Variants in CCDC180 observed in about 807,000 individuals in gnomAD.
CCDC180 encodes the protein coiled-coil domain containing 180, also known as coiled-coil domain-containing protein 180.
Under a neutral mutation model 209.2 loss-of-function variants are expected in CCDC180, and 154 were observed. The observed-to-expected ratio is 0.74, with a 90% CI of 0.65 to 0.84. The LOEUF is 0.84. Among genes scored for constraint, CCDC180 ranks in the 40% least tolerant of loss-of-function variants. The pLI is 0.00. For synonymous variants in CCDC180, 778 were observed against 749.1 expected (o/e 1.04, Z -0.63); for missense variants, 1,874 against 1,997.3 (o/e 0.94, Z 1.18).
In CCDC180 at chr9:97,369,087, A is replaced by G. The variant is rs374666373; in HGVS notation, c.4190-835A>G. Among the ~76,000 whole-genome samples, 13 of 152,382 alleles carry G rather than the reference A, an allele frequency of 8.5e-5. No individual in the cohort carries two copies. In the East Asian group the frequency reaches 1.9e-3, roughly 23 times the overall value. ...GGAAAAATTAAGAGTTGAAATTTTA[A>G]AACTATGCATGACTTTACTACCAGG... On this transcript the variant is annotated intron_variant, in intron 31 of 36. Coordinates refer to ENST00000529487, the MANE Select transcript of CCDC180 (RefSeq NM_020893.6).
chr9:97,368,819 G>C (rs111360099), intron 31 of CCDC180, among the ~76,000 whole-genome samples: 4 of 152,212 alleles, frequency 2.6e-5, no homozygotes, highest in African/African-American at 9.6e-5. Flanking sequence ...CCCAGACTAA[G>C]AGCTCACAGT....
chr9:97,358,117 C>CTTT lies in CCDC180; in HGVS notation c.3363+412_3363+414dup, dbSNP rs71487322. On this transcript the variant is annotated intron_variant, in intron 25 of 36. Coordinates refer to ENST00000529487, the MANE Select transcript of CCDC180 (RefSeq NM_020893.6). ...CACTTTTTGTTTGACTTTCCACTTG[C>CTTT]TTTTTTTTTTTTTTTTTTTTTTGAG... The CTTT allele has an allele frequency of 3.7e-3, 417 of 112,206 alleles. 2 individuals carry two copies. Among genetic ancestry groups the CTTT allele is most frequent in the East Asian group, 7.8e-3 (26 of 3,342 alleles). 7.0% of individuals were successfully genotyped at this position (112,206 alleles called of 1,614,324 possible). A position where few individuals can be genotyped will look rare whatever the true frequency, so the allele number is the denominator to read the frequency against.
intron 24 of CCDC180, among the ~76,000 whole-genome samples, chr9:97,355,959 G>C (rs1474417906): frequency 1.3e-5 from 2 of 152,192 alleles, no homozygotes; most frequent in African/African-American, 2.4e-5. Flanking sequence ...CGGGCAGACA[G>C]TGGGGGCCTG....
chr9:97,370,983 G>A (rs1827079702), intron 33 of CCDC180: 1 of 308,176 alleles, frequency 3.2e-6, no homozygotes, highest in African/African-American at 2.8e-5. Context: ...TTGAGACGGA[G>A]TCTCGCTCTG....
chr9:97,357,745 T>C lies in CCDC180; in HGVS notation c.3363+20T>C. 1 of 1,500,066 alleles carries C rather than the reference T, an allele frequency of 6.7e-7. No individual in the cohort carries two copies. The highest frequency in any genetic ancestry group is 9.2e-7 in the Non-Finnish European group (1 of 1,085,446). The allele number at this position is 1,500,066 out of a possible 1,614,324, so 92.9% of individuals were successfully genotyped here. The stretch of plus-strand genomic sequence containing the variant: ...AAAACCGTAAGTGTTCAATAGATTC[T>C]GCATGTGAATAATAAAGATATATCA... On this transcript the variant is annotated intron_variant, in intron 25 of 36. Transcript: ENST00000529487.
chr9:97,324,200 C>T lies in CCDC180; in HGVS notation c.1371+297C>T, dbSNP rs538754857. 7.2e-5 allele frequency among the ~76,000 whole-genome samples: 11 copies of T among 152,250 alleles called. No individual in the cohort carries two copies. The South Asian group carries it at 2.3e-3, about 32-fold the overall frequency. ...TGTGGAGGCACAATAAGCCCCCAGC[C>T]CAAGACACGTGTTATCTTGAACCAG... On this transcript the variant is annotated intron_variant, in intron 13 of 36. Transcript: ENST00000529487.
intron 18 of CCDC180, among the ~76,000 whole-genome samples, chr9:97,341,353 G>C (rs893512009): frequency 1.3e-5 from 2 of 152,134 alleles, no homozygotes; most frequent in East Asian, 3.9e-4. Flanking sequence ...GAGACCCACC[G>C]ACCCTGTGGG....
At chr9:97,364,720 G>T in intron 29 of CCDC180, 1 of 154,574 alleles carries the variant, frequency 6.5e-6, no homozygotes, top group Non-Finnish European at 1.4e-5. Context: ...GCCTCCAGCT[G>T]GCAGGTAGAC....
intron 14 of CCDC180, 66 bp downstream of exon 14, chr9:97,325,258 GACCCA>G: frequency 6.8e-7 from 1 of 1,481,416 alleles, no homozygotes; most frequent in Non-Finnish European, 9.1e-7. Context: ...ACAGATCCTT[GACCCA>G]AATGGAGAAC....
At chr9:97,362,892 G>T (rs1385359623) in intron 28 of CCDC180, among the ~76,000 whole-genome samples, 2 of 152,360 alleles carry the variant, frequency 1.3e-5, no homozygotes, top group South Asian at 4.1e-4. Flanking sequence ...GTTTTGAGAA[G>T]GCAAGGGGAA....
chr9:97,375,347 C>A lies in CCDC180; in HGVS notation c.4707-107C>A, dbSNP rs1043849315. 7.1e-6 allele frequency: 10 copies of A among 1,409,824 alleles called. No homozygotes were observed. In the African/African-American group the frequency reaches 1.4e-4, roughly 20 times the overall value. 87.3% of individuals were successfully genotyped at this position (1,409,824 alleles called of 1,614,324 possible). A position where few individuals can be genotyped will look rare whatever the true frequency, so the allele number is the denominator to read the frequency against. On this transcript the variant is annotated intron_variant, in intron 35 of 36. Coordinates refer to ENST00000529487, the MANE Select transcript of CCDC180 (RefSeq NM_020893.6). ...TTCTTTTCATTAAGATATTTAAAGC[C>A]ATGATAATTTTTTCAAAGAAATGCT...
upstream of CCDC180, chr9:97,307,615 C>A: frequency 1.1e-6 from 1 of 902,602 alleles, no homozygotes; most frequent in Non-Finnish European, 1.8e-6. Flanking sequence ...GTCCCGGATG[C>A]GAATTCTGCG....
intron 14 of CCDC180, among the ~76,000 whole-genome samples, chr9:97,326,331 A>T (rs909393138): frequency 1.1e-4 from 16 of 152,152 alleles, no homozygotes; most frequent in African/African-American, 3.9e-4. Flanking sequence ...TAGGGGTATG[A>T]TGTGGGCAGG....
At chr9:97,351,700 G>A (rs1391499325) in intron 22 of CCDC180, among the ~76,000 whole-genome samples, 1 of 152,108 alleles carries the variant, frequency 6.6e-6, no homozygotes, top group Non-Finnish European at 1.5e-5. Flanking sequence ...GTTTTGTACA[G>A]AAATGGAATC....
Position 97,365,732 on chromosome 9 carries a change from T to C in CCDC180, c.4040T>C (p.Val1347Ala), listed in dbSNP as rs1040736700. ...GAGAGCAGTGAGAACCTGCTGACAG[T>C]CGCAGAGGTGAGGACCACCACCCAT... Reference protein sequence around the residue: ...LWESSENLLTVAEEFYRKEKR... With the variant: ...LWESSENLLTAAEEFYRKEKR... The change falls in exon 30 of 37, where the codon GTC becomes GCC. Residue 1347 changes from valine to alanine, a missense_variant. Coordinates refer to ENST00000529487, the MANE Select transcript of CCDC180 (RefSeq NM_020893.6). 3 of 1,613,886 alleles carry C rather than the reference T, an allele frequency of 1.9e-6. No individual in the cohort carries two copies. Among genetic ancestry groups the C allele is most frequent in the Admixed American group, 3.3e-5 (2 of 60,010 alleles).
At chr9:97,341,716 T>C (rs748252829) in intron 18 of CCDC180, among the ~76,000 whole-genome samples, 20 of 152,224 alleles carry the variant, frequency 1.3e-4, no homozygotes, top group Non-Finnish European at 2.6e-4. Flanking sequence ...TTTTCAGAGC[T>C]GTCTGACAGG....
Position 97,314,888 on chromosome 9 carries a change from A to G in CCDC180, c.737A>G (p.Glu246Gly). 6.2e-7 allele frequency: 1 copy of G among 1,614,182 alleles called. No individual in the cohort carries two copies. The highest frequency in any genetic ancestry group is 8.5e-7 in the Non-Finnish European group (1 of 1,180,024). The change falls in exon 8 of 37, where the codon GAG (glutamate) becomes GGG (glycine). Residue 246 changes from glutamate (E) to glycine (G), a missense_variant. By Grantham distance (98) the Glu-to-Gly change is moderately conservative. Coordinates refer to ENST00000529487, the MANE Select transcript of CCDC180 (RefSeq NM_020893.6). ...SVLKKYAEVI[E>G]KTSYLMRPEV... is the part of the protein sequence containing the mutation. Reference sequence around the variant, plus strand: ...TTGAAGAAATATGCAGAAGTCATAGAGAAAACTTCCTACCTCATGCGGCCC... The same window carrying G: ...TTGAAGAAATATGCAGAAGTCATAGGGAAAACTTCCTACCTCATGCGGCCC...
Position 97,314,781 on chromosome 9 carries a change from A to G in CCDC180, c.699+53A>G. On this transcript the variant is annotated intron_variant, in intron 7 of 36. Coordinates refer to ENST00000529487, the MANE Select transcript of CCDC180 (RefSeq NM_020893.6). ...GTGACTGTCACTTGCCGGGTTTATT[A>G]GGCATCCTTCTGTTTCCTTTTAGTT... 1.9e-6 allele frequency: 3 copies of G among 1,598,350 alleles called. No homozygotes were observed. In the South Asian group the frequency reaches 3.3e-5, roughly 18 times the overall value.
At position 97,377,108 on chromosome 9, in the gene CCDC180, T is replaced by G; in HGVS notation, c.*214T>G. On this transcript the variant is annotated 3_prime_UTR_variant, in exon 37 of 37. Coordinates refer to ENST00000529487, the MANE Select transcript of CCDC180 (RefSeq NM_020893.6). ...GAGGAAGGCAAGCATGAAAGGGGAA[T>G]TCCACGTGGTTAGCAGGGAGGGTGA... The G allele has an allele frequency of 2.4e-6, 1 of 411,816 alleles. No homozygotes were observed. The highest frequency in any genetic ancestry group is 4.4e-5 in the East Asian group (1 of 22,742). The allele number at this position is 411,816 out of a possible 1,614,324, so 25.5% of individuals were successfully genotyped here. A position where few individuals can be genotyped will look rare whatever the true frequency, so the allele number is the denominator to read the frequency against.
Sources: allele counts gnomAD v4.1 joint callset (sites outside exome capture counted in the v4.1 genomes callset), GRCh38; gene constraint gnomAD v4.1.1; transcripts MANE v1.5; gene names NCBI Gene and HGNC (gene_info 2026-07-23, HGNC 2026-07-21).